The following FAHD2A variants were observed in gnomAD, a reference collection of about 807,000 sequenced individuals.
FAHD2A encodes fumarylacetoacetate hydrolase domain containing 2A, also known as oxaloacetate tautomerase FAHD2A, mitochondrial.
FAHD2A carries 27 observed loss-of-function variants against 33.4 expected under a neutral mutation model. The ratio of observed to expected loss-of-function variants is 0.81; its 90% CI spans 0.60 to 1.11. FAHD2A has a LOEUF of 1.11. FAHD2A is among the 50% of genes most tolerant of loss of function. The probability of loss-of-function intolerance (pLI) is 0.00; values close to 1 mark genes in which losing one functional copy is unlikely to be tolerated. For synonymous variants in FAHD2A, 130 were observed against 153.3 expected (o/e 0.85, Z 1.12); for missense variants, 296 against 395.0 (o/e 0.75, Z 2.12).
chr2:95,413,803 C>A lies in FAHD2A; in HGVS notation c.*846C>A. On this transcript the variant is annotated 3_prime_UTR_variant, in exon 8 of 8. Coordinates refer to ENST00000233379, the MANE Select transcript of FAHD2A (RefSeq NM_016044.3). Reference sequence around the variant, plus strand: ...TCCCACCTTCTCCAACCCATCACCACGTCTATTGCTGGAAGACACCAAGTA... The same window carrying A: ...TCCCACCTTCTCCAACCCATCACCAAGTCTATTGCTGGAAGACACCAAGTA... The A allele has an allele frequency of 5.6e-6, 4 of 715,256 alleles. No homozygotes were observed. Among genetic ancestry groups the A allele is most frequent in the South Asian group, 3.5e-5 (2 of 56,590 alleles). 44.3% of individuals were successfully genotyped at this position (715,256 alleles called of 1,614,324 possible).
At chr2:95,407,231 A>G (rs1384950968) in intron 3 of FAHD2A, 74 bp downstream of exon 3, 5 of 1,565,978 alleles carry the variant, frequency 3.2e-6, no homozygotes, top group East Asian at 2.2e-5. Context: ...TATTGAGCCT[A>G]CTGGAGCCAC....
intron 3 of FAHD2A, chr2:95,407,480 G>A (rs893868905): frequency 9.6e-6 from 4 of 415,658 alleles, no homozygotes; most frequent in Non-Finnish European, 1.8e-5. Flanking sequence ...CTCCGCTCCT[G>A]TATATGTTTA....
chr2:95,406,679 T>C (rs1369430477), intron 2 of FAHD2A, among the ~76,000 whole-genome samples: 1 of 152,176 alleles, frequency 6.6e-6, no homozygotes, highest in Non-Finnish European at 1.5e-5. Context: ...AAGGGAAACC[T>C]TTCCATGTAT....
At chr2:95,417,445 G>T (rs921810880), downstream of FAHD2A, among the ~76,000 whole-genome samples, 1 of 152,040 alleles carries the variant, frequency 6.6e-6, no homozygotes, top group Non-Finnish European at 1.5e-5. Flanking sequence ...TATTTGGGAG[G>T]CTCTCTACCA....
At position 95,413,347 on chromosome 2, in the gene FAHD2A, A is replaced by G. The variant is rs1682838641; in HGVS notation, c.*390A>G. ...AAGGGACAATCAAGCCTCAATGATT[A>G]TATTTATAGCTAAGGGTTTGCAGCC... is the stretch of plus-strand genomic sequence containing the variant. On this transcript the variant is annotated 3_prime_UTR_variant, in exon 8 of 8. Coordinates refer to ENST00000233379, the MANE Select transcript of FAHD2A (RefSeq NM_016044.3). 10 of 1,499,212 alleles carry G rather than the reference A, an allele frequency of 6.7e-6. No homozygotes were observed. The East Asian group carries it at 1.4e-4, about 21-fold the overall frequency. 92.9% of individuals were successfully genotyped at this position (1,499,212 alleles called of 1,614,324 possible). A position where few individuals can be genotyped will look rare whatever the true frequency, so the allele number is the denominator to read the frequency against.
At chr2:95,403,540 C>T (rs1573539650) in intron 1 of FAHD2A, among the ~76,000 whole-genome samples, 1 of 152,294 alleles carries the variant, frequency 6.6e-6, no homozygotes, top group East Asian at 1.9e-4. Flanking sequence ...TCTTTAGAGA[C>T]TTTGGAGGAT....
At position 95,407,118 on chromosome 2, in the gene FAHD2A, G is replaced by T. The variant is rs757292094; in HGVS notation, c.423G>T (p.Val141=). The T allele has an allele frequency of 1.2e-6, 2 of 1,611,988 alleles. No homozygotes were observed. Among genetic ancestry groups the T allele is most frequent in the Non-Finnish European group, 1.7e-6 (2 of 1,179,876 alleles). The change falls in exon 3 of 8, where the codon GTG becomes GTT. Residue 141 remains valine (V), a synonymous_variant. Coordinates refer to ENST00000233379, the MANE Select transcript of FAHD2A (RefSeq NM_016044.3). The part of the protein sequence containing the change: ...IIFSKFASSI[V]GPYDEVVLPP... Reference sequence around the variant, plus strand: ...TCAGCAAGTTTGCCAGCTCCATCGTGGGGCCCTATGATGAGGTGGTCCTCC... The same window carrying T: ...TCAGCAAGTTTGCCAGCTCCATCGTTGGGCCCTATGATGAGGTGGTCCTCC...
At chr2:95,410,206 C>T (rs1428850681) in intron 3 of FAHD2A, among the ~76,000 whole-genome samples, 2 of 152,200 alleles carry the variant, frequency 1.3e-5, no homozygotes, top group African/African-American at 2.4e-5. Context: ...GATATTACTT[C>T]GTATTTATCC....
rs1035678294 is a variant in FAHD2A at position 95,410,405 on chromosome 2, A to T, written c.463-122A>T. 9.9e-6 allele frequency: 13 copies of T among 1,313,990 alleles called. No homozygotes were observed. In the African/African-American group the frequency reaches 1.9e-4, roughly 19 times the overall value. The allele number at this position is 1,313,990 out of a possible 1,614,324, so 81.4% of individuals were successfully genotyped here. A position where few individuals can be genotyped will look rare whatever the true frequency, so the allele number is the denominator to read the frequency against. Reference sequence around the variant, plus strand: ...GCTCTGGTTCGTGGTGATGGCAAACATGGGATGGCAGCGAAGCCATACTGA... The same window carrying T: ...GCTCTGGTTCGTGGTGATGGCAAACTTGGGATGGCAGCGAAGCCATACTGA... On this transcript the variant is annotated intron_variant, in intron 3 of 7. Transcript: ENST00000233379.
intron 3 of FAHD2A, among the ~76,000 whole-genome samples, chr2:95,409,863 T>G (rs1278421944): frequency 6.6e-6 from 1 of 152,342 alleles, no homozygotes; most frequent in East Asian, 1.9e-4. Flanking sequence ...AGGCTTATCA[T>G]GTACTGTCTG....
At chr2:95,417,192 T>TAAGGA (rs1683234443), downstream of FAHD2A, among the ~76,000 whole-genome samples, 1 of 152,226 alleles carries the variant, frequency 6.6e-6, no homozygotes, top group Non-Finnish European at 1.5e-5. Context: ...AACATCTGCC[T>TAAGGA]CCATCAATGA....
chr2:95,418,250 TTGTGTG>T (rs143871334), downstream of FAHD2A, among the ~76,000 whole-genome samples: 2 of 148,284 alleles, frequency 1.3e-5, no homozygotes, highest in East Asian at 2.0e-4. Context: ...TTGGGGGTGG[TTGTGTG>T]TGTGTGTGTG....
intron 1 of FAHD2A, among the ~76,000 whole-genome samples, chr2:95,403,195 G>A (rs997698032): frequency 2.1e-4 from 32 of 152,316 alleles, no homozygotes; most frequent in African/African-American, 7.5e-4. Context: ...TTGAGCTCGG[G>A]CTGTGTGATA....
At chr2:95,411,757 C>T (rs886258700) in intron 5 of FAHD2A, among the ~76,000 whole-genome samples, 3 of 152,220 alleles carry the variant, frequency 2.0e-5, no homozygotes, top group Non-Finnish European at 2.9e-5. Flanking sequence ...TTCTCTGTCC[C>T]GGCTAGAACC....
chr2:95,404,902 C>T (rs927721828), intron 1 of FAHD2A, among the ~76,000 whole-genome samples: 4 of 152,172 alleles, frequency 2.6e-5, no homozygotes, highest in Admixed American at 1.3e-4. Context: ...CAGGTGGGGG[C>T]GCTGCTCCTA....
chr2:95,408,603 A>G lies in FAHD2A; in HGVS notation c.462+1446A>G, dbSNP rs575212008. Among the ~76,000 whole-genome samples the G allele has an allele frequency of 5.3e-4, 81 of 152,318 alleles. 1 individual carries two copies. Among genetic ancestry groups the G allele is most frequent in the Admixed American group, 3.9e-3 (59 of 15,304 alleles). On this transcript the variant is annotated intron_variant, in intron 3 of 7. Coordinates refer to ENST00000233379, the MANE Select transcript of FAHD2A (RefSeq NM_016044.3). ...CTTGTGCAGAGAAACTCCCATTTTT[A>G]AAACTATCAGATCTCATGAGACCCA... is the stretch of plus-strand genomic sequence containing the variant.
At chr2:95,410,775 T>C in intron 4 of FAHD2A, 89 bp from the exon 5 acceptor site, 1 of 1,580,200 alleles carries the variant, frequency 6.3e-7, no homozygotes, top group Non-Finnish European at 8.6e-7. Flanking sequence ...GCTACTAACA[T>C]GGGATAACAG....
rs943884505 is a variant in FAHD2A, at chr2:95,407,158, G to A, written c.462+1G>A. The A allele has an allele frequency of 6.2e-7, 1 of 1,612,020 alleles. No individual in the cohort carries two copies. Among genetic ancestry groups the A allele is most frequent in the Non-Finnish European group, 8.5e-7 (1 of 1,179,850 alleles). ...GGTGGTCCTCCCACCACAGAGCCAG[G>A]TCAGTGTCTCCCCACTGCCCTCCCT... On this transcript the variant is annotated splice_donor_variant, in intron 3 of 7. Coordinates refer to ENST00000233379, the MANE Select transcript of FAHD2A (RefSeq NM_016044.3). LOFTEE classifies it high-confidence loss of function.
chr2:95,408,129 G>A (rs1310937924), intron 3 of FAHD2A, among the ~76,000 whole-genome samples: 10 of 142,102 alleles, frequency 7.0e-5, no homozygotes, highest in Non-Finnish European at 1.3e-4. Context: ...TCATAAAAAC[G>A]TAAATAGGCA....
Sources: gnomAD v4.1 joint callset for allele counts (sites outside exome capture counted in the v4.1 genomes callset) on GRCh38, gnomAD v4.1.1 for gene constraint, MANE v1.5 for transcripts, NCBI Gene and HGNC (gene_info 2026-07-23, HGNC 2026-07-21) for gene names.